The following MIER1 variants were observed in gnomAD, a reference collection of about 807,000 sequenced individuals.
MIER1 encodes mesoderm induction early response protein 1.
MIER1 carries 40 observed loss-of-function variants against 75.7 expected under a neutral mutation model. The observed-to-expected ratio is 0.53, with a 90% CI of 0.41 to 0.69. The LOEUF is 0.69. MIER1 is among the 30% of genes least tolerant of loss of function. The probability of loss-of-function intolerance (pLI) is 0.00; values close to 1 mark genes in which losing one functional copy is unlikely to be tolerated. For missense variants in MIER1, 574 were observed against 680.2 expected (o/e 0.84, Z 1.74); for synonymous variants, 213 against 223.4 (o/e 0.95, Z 0.42).
chr1:66,935,845 G>A (rs899465867), intron 2 of MIER1, among the ~76,000 whole-genome samples: 4 of 151,938 alleles, frequency 2.6e-5, no homozygotes, highest in Non-Finnish European at 5.9e-5. Flanking sequence ...AACACAAACA[G>A]ATATCTCTAT....
chr1:66,945,267 GTATATATA>G (rs66525570), intron 3 of MIER1, among the ~76,000 whole-genome samples: 1,703 of 140,810 alleles, frequency 0.012, 16 homozygotes, highest in Middle Eastern at 0.019. Context: ...TCTGGTGTGT[GTATATATA>G]TATATATATA....
intron 11 of MIER1, among the ~76,000 whole-genome samples, chr1:66,973,236 T>C (rs1216229828): frequency 1.3e-5 from 2 of 152,102 alleles, no homozygotes; most frequent in Admixed American, 6.5e-5. Flanking sequence ...TACAAGCATG[T>C]TAATCAACTT....
chr1:66,938,323 G>C (rs1655402588), intron 2 of MIER1, among the ~76,000 whole-genome samples: 1 of 152,082 alleles, frequency 6.6e-6, no homozygotes, highest in Admixed American at 6.5e-5. Flanking sequence ...CTTGTAATTA[G>C]AAAGCCTTTT....
intron 2 of MIER1, among the ~76,000 whole-genome samples, chr1:66,927,289 A>ATT (rs1652059043): frequency 6.6e-6 from 1 of 152,106 alleles, no homozygotes; most frequent in Non-Finnish European, 1.5e-5. Flanking sequence ...CTGAAGAGGC[A>ATT]TTTATTCAGG....
In MIER1 at chr1:66,986,307, A is replaced by C; in HGVS notation, c.*1407A>C. ...AAAGTGCCATTTTATTTTTAGTGCT[A>C]AATTCTTGTTAAATAATGTAGTTTT... On this transcript the variant is annotated 3_prime_UTR_variant, in exon 14 of 14. Coordinates refer to ENST00000401041, the MANE Select transcript of MIER1 (RefSeq NM_001077700.3). 1 of 1,506,578 alleles carries C rather than the reference A, an allele frequency of 6.6e-7. No individual in the cohort carries two copies. Among genetic ancestry groups the C allele is most frequent in the Non-Finnish European group, 8.8e-7 (1 of 1,135,768 alleles). The allele number at this position is 1,506,578 out of a possible 1,614,324, so 93.3% of individuals were successfully genotyped here. A position where few individuals can be genotyped will look rare whatever the true frequency, so the allele number is the denominator to read the frequency against.
intron 8 of MIER1, among the ~76,000 whole-genome samples, chr1:66,969,612 T>C (rs1663193135): frequency 6.6e-6 from 1 of 151,566 alleles, no homozygotes; most frequent in African/African-American, 2.4e-5. Flanking sequence ...TAATTAGCTG[T>C]TAATTTCTTT....
At chr1:66,933,517 T>A (rs941687383) in intron 2 of MIER1, among the ~76,000 whole-genome samples, 5 of 152,190 alleles carry the variant, frequency 3.3e-5, no homozygotes, top group Middle Eastern at 3.2e-3. Context: ...CATTTCTCTT[T>A]AAAATGGACT....
intron 11 of MIER1, among the ~76,000 whole-genome samples, chr1:66,973,304 A>G (rs1664073849): frequency 6.6e-6 from 1 of 152,046 alleles, no homozygotes; most frequent in Non-Finnish European, 1.5e-5. Flanking sequence ...ACAGTCTGTG[A>G]CTGTTTTATG....
At chr1:66,943,792 C>T (rs1238641576) in intron 3 of MIER1, among the ~76,000 whole-genome samples, 1 of 152,186 alleles carries the variant, frequency 6.6e-6, no homozygotes, top group East Asian at 1.9e-4. Flanking sequence ...ACCTGGCTTG[C>T]ATTCACTCGT....
chr1:66,928,705 T>G (rs1026357559), intron 2 of MIER1, among the ~76,000 whole-genome samples: 5 of 152,344 alleles, frequency 3.3e-5, no homozygotes, highest in Middle Eastern at 3.4e-3. Context: ...GGGTAACTAT[T>G]AGAAACTATA....
intron 2 of MIER1, among the ~76,000 whole-genome samples, chr1:66,931,148 C>G (rs531306800): frequency 4.8e-5 from 7 of 146,988 alleles, no homozygotes; most frequent in African/African-American, 1.5e-4. Flanking sequence ...TTTCTTGTTT[C>G]TTTTTGCTCG....
At chr1:66,946,317 G>A in intron 4 of MIER1, 22 bp downstream of exon 4, 1 of 1,553,798 alleles carries the variant, frequency 6.4e-7, no homozygotes, top group Non-Finnish European at 8.7e-7. Context: ...GTAGAGCTAG[G>A]GTATGAATTG....
At chr1:66,946,419 T>C (rs1468739478) in intron 4 of MIER1, 124 bp downstream of exon 4, 3 of 1,398,740 alleles carry the variant, frequency 2.1e-6, no homozygotes, top group Non-Finnish European at 2.8e-6. Context: ...TGAAAAATTT[T>C]GTGTGATCAT....
chr1:66,925,244 C>T (rs1455941480), intron 1 of MIER1, 149 bp downstream of exon 1: 6 of 1,355,278 alleles, frequency 4.4e-6, no homozygotes, highest in African/African-American at 1.5e-5. Context: ...GGAGGGGCTG[C>T]CGCAGAACGC....
In MIER1 at chr1:66,958,131, G is replaced by T. The variant is rs749158427; in HGVS notation, c.412G>T (p.Asp138Tyr). ...TAGTACTGTTCGACTACCTGAAGAAGATGAGGAAGAGGAAGAAGAGGAAGA... is the reference window on the plus strand; with the variant it reads ...TAGTACTGTTCGACTACCTGAAGAATATGAGGAAGAGGAAGAAGAGGAAGA... The part of the protein sequence containing the change: ...YGSTVRLPEE[D>Y]EEEEEEEEEG... Residue 138 changes from aspartate (D) to tyrosine (Y), a missense_variant, in exon 5 of 14, where the codon GAT becomes TAT. Coordinates refer to ENST00000401041, the MANE Select transcript of MIER1 (RefSeq NM_001077700.3). The T allele has an allele frequency of 4.2e-5, 67 of 1,609,754 alleles. 1 individual carries two copies. In the South Asian group the frequency reaches 6.4e-4, roughly 15 times the overall value.
At chr1:66,950,104 CTTTTG>C (rs754069580) in intron 4 of MIER1, among the ~76,000 whole-genome samples, 38 of 152,088 alleles carry the variant, frequency 2.5e-4, no homozygotes, top group Non-Finnish European at 4.4e-4. Flanking sequence ...AATAAATAGA[CTTTTG>C]TTTTGTTTTG....
Position 66,950,709 on chromosome 1 carries a change from AATT to A in MIER1, c.339+4416_339+4418del, listed in dbSNP as rs1453240835. On this transcript the variant is annotated intron_variant, in intron 4 of 13. Transcript: ENST00000401041. Reference sequence around the variant, plus strand: ...TGCAGTATTTTGACGTATACACACAAATTAATTATATAGATAGAAAAGAAATCT... The same window carrying A: ...TGCAGTATTTTGACGTATACACACAAAATTATATAGATAGAAAAGAAATCT... 5.9e-5 allele frequency among the ~76,000 whole-genome samples: 9 copies of A among 152,084 alleles called. No individual in the cohort carries two copies. In the East Asian group the frequency reaches 1.2e-3, roughly 20 times the overall value.
At chr1:66,981,661 G>T in intron 12 of MIER1, 118 bp from the exon 13 acceptor site, 1 of 732,992 alleles carries the variant, frequency 1.4e-6, no homozygotes, top group Non-Finnish European at 2.2e-6. Context: ...TGAAGCACTG[G>T]AATGAATGTT....
intron 4 of MIER1, among the ~76,000 whole-genome samples, chr1:66,951,969 TTAGGA>T (rs1403861064): frequency 6.6e-6 from 1 of 152,220 alleles, no homozygotes; most frequent in African/African-American, 2.4e-5. Context: ...AGTGTGGGAC[TTAGGA>T]TAGGTTACTT....
Sources: allele counts gnomAD v4.1 joint callset (sites outside exome capture counted in the v4.1 genomes callset), GRCh38; gene constraint gnomAD v4.1.1; transcripts MANE v1.5; gene names NCBI Gene and HGNC (gene_info 2026-07-23, HGNC 2026-07-21).